Variants in AGBL4 observed in about 807,000 individuals in gnomAD.
The protein encoded by AGBL4 is AGBL carboxypeptidase 4.
AGBL4 carries 58 observed loss-of-function variants against 66.4 expected under a neutral mutation model. The observed-to-expected ratio is 0.87, with a 90% CI of 0.71 to 1.09. The LOEUF is 1.09. Among genes scored for constraint, AGBL4 ranks in the 50% least tolerant of loss-of-function variants. AGBL4 has a pLI of 0.00. For synonymous variants in AGBL4, 234 were observed against 222.9 expected, an observed-to-expected ratio of 1.05 and a Z score of -0.44; for missense variants, 579 against 631.0, an observed-to-expected ratio of 0.92 and a Z score of 0.88.
At chr1:49,839,160 G>T (rs138300460) in intron 2 of AGBL4, among the ~76,000 whole-genome samples, 2 of 152,190 alleles carry the variant, frequency 1.3e-5, no homozygotes, top group African/African-American at 4.8e-5. Flanking sequence ...AAATAGGAAA[G>T]AAAAATATAT....
intron 2 of AGBL4, among the ~76,000 whole-genome samples, chr1:49,836,748 C>T (rs1315895408): frequency 1.3e-5 from 2 of 152,156 alleles, no homozygotes; most frequent in African/African-American, 2.4e-5. Context: ...TGGTGACCTT[C>T]GGATGGGGTT....
intron 10 of AGBL4, among the ~76,000 whole-genome samples, chr1:48,589,430 A>G (rs957666079): frequency 6.6e-6 from 1 of 152,212 alleles, no homozygotes; most frequent in Non-Finnish European, 1.5e-5. Context: ...AAAAATTGCT[A>G]TGACCTTTGT....
chr1:48,864,570 C>T (rs1156490396), intron 6 of AGBL4, among the ~76,000 whole-genome samples: 1 of 152,104 alleles, frequency 6.6e-6, no homozygotes, highest in Non-Finnish European at 1.5e-5. Context: ...TATGGAATAT[C>T]TAACAGCAAT....
Position 49,515,084 on chromosome 1 carries a change from A to G in AGBL4, c.282+182229T>C, listed in dbSNP as rs568922406. On this transcript the variant is annotated intron_variant, in intron 3 of 13. Coordinates refer to ENST00000371839, the MANE Select transcript of AGBL4 (RefSeq NM_032785.4). Reference sequence around the variant, plus strand: ...CTTCTGCACAGCAAAAGAAATTACCATCAGACTGAACAGGCAACCTACAGA... The same window carrying G: ...CTTCTGCACAGCAAAAGAAATTACCGTCAGACTGAACAGGCAACCTACAGA... Among the ~76,000 whole-genome samples the G allele has an allele frequency of 1.5e-3, 230 of 152,276 alleles. 3 individuals are homozygous for G. The South Asian group carries it at 0.016, about 10-fold the overall frequency.
At chr1:48,927,028 C>G (rs1296303071) in intron 5 of AGBL4, among the ~76,000 whole-genome samples, 1 of 151,952 alleles carries the variant, frequency 6.6e-6, no homozygotes, top group Non-Finnish European at 1.5e-5. Context: ...CCTTTATTAC[C>G]TTTTGCCTTT....
intron 3 of AGBL4, among the ~76,000 whole-genome samples, chr1:49,303,319 T>A (rs1024964923): frequency 3.3e-5 from 5 of 152,156 alleles, no homozygotes; most frequent in African/African-American, 9.7e-5. Context: ...CTTGCCAGCA[T>A]CTGTTTTTTC....
At chr1:49,379,794 A>T (rs982834608) in intron 3 of AGBL4, among the ~76,000 whole-genome samples, 2 of 152,040 alleles carry the variant, frequency 1.3e-5, no homozygotes, top group Non-Finnish European at 2.9e-5. Flanking sequence ...TATTTTATTG[A>T]GGATTTTTGC....
At chr1:49,827,501 A>G (rs1035322815) in intron 2 of AGBL4, among the ~76,000 whole-genome samples, 3 of 152,194 alleles carry the variant, frequency 2.0e-5, no homozygotes, top group Non-Finnish European at 4.4e-5. Context: ...ATCTAGATAC[A>G]GACACAATCG....
rs1031211297 is a variant in AGBL4 at position 49,826,907 on chromosome 1, T to C, written c.157+24489A>G. 5.9e-4 allele frequency among the ~76,000 whole-genome samples: 90 copies of C among 152,150 alleles called. 1 individual carries two copies. The highest frequency in any genetic ancestry group is 2.1e-3 in the African/African-American group (87 of 41,434). On this transcript the variant is annotated intron_variant, in intron 2 of 13. Coordinates refer to ENST00000371839, the MANE Select transcript of AGBL4 (RefSeq NM_032785.4). ...TGTAAACTGGAAGACGGAAAAGCCA[T>C]ATACAGCTGCAGATATCATAGGAGA...
intron 3 of AGBL4, among the ~76,000 whole-genome samples, chr1:49,358,753 G>A (rs980700095): frequency 6.6e-6 from 1 of 152,166 alleles, no homozygotes. Flanking sequence ...TCTGACATAG[G>A]AAGCTTATTG....
At chr1:49,271,548 ACACACG>A (rs1281308960) in intron 3 of AGBL4, among the ~76,000 whole-genome samples, 4 of 150,152 alleles carry the variant, frequency 2.7e-5, no homozygotes, top group African/African-American at 1.0e-4. Context: ...ACACACACAC[ACACACG>A]TACATATACA....
chr1:49,232,030 T>C (rs1174675574), intron 4 of AGBL4, among the ~76,000 whole-genome samples: 2 of 152,180 alleles, frequency 1.3e-5, no homozygotes, highest in African/African-American at 2.4e-5. Context: ...TTTCAACTTA[T>C]GATGGGTTTA....
At chr1:49,795,569 G>A (rs554115159) in intron 2 of AGBL4, among the ~76,000 whole-genome samples, 39 of 151,866 alleles carry the variant, frequency 2.6e-4, no homozygotes, top group Admixed American at 5.3e-4. Context: ...ATTTTCATAA[G>A]CACCCAAGAT....
chr1:49,890,532 A>G (rs542027379), intron 1 of AGBL4, among the ~76,000 whole-genome samples: 1 of 152,324 alleles, frequency 6.6e-6, no homozygotes, highest in South Asian at 2.1e-4. Flanking sequence ...TAATAAATAT[A>G]TAAGTAAATA....
intron 3 of AGBL4, among the ~76,000 whole-genome samples, chr1:49,628,488 T>C (rs1422542102): frequency 6.6e-6 from 1 of 152,208 alleles, no homozygotes; most frequent in Non-Finnish European, 1.5e-5. Flanking sequence ...ATTTGTCTTT[T>C]ACTTTGAAGG....
intron 2 of AGBL4, among the ~76,000 whole-genome samples, chr1:49,781,986 T>A (rs1644348630): frequency 1.3e-5 from 2 of 151,978 alleles, no homozygotes; most frequent in Admixed American, 1.3e-4. Flanking sequence ...GAGAGAAATT[T>A]ATAACTTTAA....
At chr1:49,253,301 G>A (rs1288630345) in intron 3 of AGBL4, among the ~76,000 whole-genome samples, 1 of 152,134 alleles carries the variant, frequency 6.6e-6, no homozygotes, top group African/African-American at 2.4e-5. Flanking sequence ...AGCCCAAAAT[G>A]ACAAAGAAGG....
At chr1:48,941,636 T>C (rs1425743713) in intron 5 of AGBL4, among the ~76,000 whole-genome samples, 6 of 152,314 alleles carry the variant, frequency 3.9e-5, no homozygotes, top group Admixed American at 2.0e-4. Flanking sequence ...TTTCCTGCTA[T>C]GACAGGTAAG....
At chr1:48,868,262 T>C (rs1648305591) in intron 5 of AGBL4, among the ~76,000 whole-genome samples, 1 of 152,242 alleles carries the variant, frequency 6.6e-6, no homozygotes, top group Non-Finnish European at 1.5e-5. Flanking sequence ...GGCCTTGCTA[T>C]ATTTTACCTC....
Sources: gnomAD v4.1 joint callset for allele counts (sites outside exome capture counted in the v4.1 genomes callset) on GRCh38, gnomAD v4.1.1 for gene constraint, MANE v1.5 for transcripts, NCBI Gene and HGNC (gene_info 2026-07-23, HGNC 2026-07-21) for gene names.